Variants in DUSP16 observed in about 807,000 individuals in gnomAD.
DUSP16 encodes dual specificity phosphatase 16, also known as dual specificity protein phosphatase 16.
Under a neutral mutation model 58.3 loss-of-function variants are expected in DUSP16, and 21 were observed. The observed-to-expected ratio is 0.36, with a 90% confidence interval of 0.26 to 0.52. The LOEUF (loss-of-function observed/expected upper bound fraction) is 0.52. Among genes scored for constraint, DUSP16 ranks in the 20% least tolerant of loss-of-function variants. The pLI is 0.94. For missense variants in DUSP16, 726 were observed against 819.0 expected, an observed-to-expected ratio of 0.89 and a Z score of 1.39; for synonymous variants, 320 against 323.8, an observed-to-expected ratio of 0.99 and a Z score of 0.12.
Position 12,520,948 on chromosome 12 carries a change from A to C in DUSP16, c.151T>G (p.Ser51Ala), listed in dbSNP as rs537793872. The C allele has an allele frequency of 6.2e-7, 1 of 1,614,200 alleles. No individual in the cohort carries two copies. Among genetic ancestry groups the C allele is most frequent in the South Asian group, 1.1e-5 (1 of 91,090 alleles). Residue 51 changes from serine to alanine, a missense_variant, in exon 2 of 7, where the codon TCC becomes GCC. Transcript: ENST00000298573. ...HILEAININCSKLMKRRLQQD... is the reference protein window; with the variant it reads ...HILEAININCAKLMKRRLQQD... ...TGCAACCTTCGCTTCATAAGCTTGG[A>C]GCAGTTGATATTAATGGCTTCCAAA...
intron 3 of DUSP16, among the ~76,000 whole-genome samples, chr12:12,506,721 A>G: frequency 6.6e-6 from 1 of 152,256 alleles, no homozygotes; most frequent in East Asian, 1.9e-4. Context: ...GCTGAGAAAC[A>G]GGGATGGGCA....
chr12:12,535,773 T>A (rs184605234), intron 1 of DUSP16, among the ~76,000 whole-genome samples: 6 of 152,222 alleles, frequency 3.9e-5, no homozygotes, highest in African/African-American at 1.4e-4. Flanking sequence ...AATGTAAATT[T>A]CAAAGAGAGT....
At chr12:12,488,012 G>A (rs57279563) in intron 4 of DUSP16, among the ~76,000 whole-genome samples, 1 of 152,134 alleles carries the variant, frequency 6.6e-6, no homozygotes, top group Non-Finnish European at 1.5e-5. Flanking sequence ...AAAGCCACCA[G>A]GAGCTCTTGA....
chr12:12,533,225 A>G (rs1193825975), intron 1 of DUSP16, among the ~76,000 whole-genome samples: 1 of 152,232 alleles, frequency 6.6e-6, no homozygotes, highest in Non-Finnish European at 1.5e-5. Context: ...AATTATATTC[A>G]CTAATACTTG....
intron 4 of DUSP16, among the ~76,000 whole-genome samples, chr12:12,499,433 A>ATATTAAC (rs1185143960): frequency 6.6e-6 from 1 of 152,248 alleles, no homozygotes; most frequent in Non-Finnish European, 1.5e-5. Context: ...AAAAGCAGAC[A>ATATTAAC]TATTAACAAC....
intron 5 of DUSP16, among the ~76,000 whole-genome samples, chr12:12,486,437 A>T (rs1943683332): frequency 6.6e-6 from 1 of 152,000 alleles, no homozygotes; most frequent in Non-Finnish European, 1.5e-5. Flanking sequence ...TATGGCACAG[A>T]TGAGATCCCG....
Position 12,532,930 on chromosome 12 carries a change from G to A in DUSP16, c.-365-11467C>T, listed in dbSNP as rs539237629. On this transcript the variant is annotated intron_variant, in intron 1 of 6. Transcript: ENST00000298573. The stretch of plus-strand genomic sequence containing the variant: ...TCCATTGCACTCCAGCCTGGGGGAC[G>A]AGAGCGAAACTCTGTCTCAAAAAAA... 2.9e-4 allele frequency among the ~76,000 whole-genome samples: 42 copies of A among 142,946 alleles called. 1 individual carries two copies. Among genetic ancestry groups the A allele is most frequent in the Non-Finnish European group, 4.9e-4 (33 of 66,686 alleles). The allele number at this position is 142,946 out of a possible 152,430, so 93.8% of individuals were successfully genotyped here. A position where few individuals can be genotyped will look rare whatever the true frequency, so the allele number is the denominator to read the frequency against.
chr12:12,480,782 G>A (rs1479521613), intron 5 of DUSP16, among the ~76,000 whole-genome samples: 2 of 152,120 alleles, frequency 1.3e-5, no homozygotes, highest in African/African-American at 2.4e-5. Flanking sequence ...TGGAGTGCAC[G>A]ATGTCGGCTC....
In DUSP16 at chr12:12,519,880, A is replaced by G. The variant is rs774577788; in HGVS notation, c.349T>C (p.Ser117Pro). 6.2e-7 allele frequency: 1 copy of G among 1,614,116 alleles called. No homozygotes were observed. Among genetic ancestry groups the G allele is most frequent in the Non-Finnish European group, 8.5e-7 (1 of 1,179,984 alleles). ...GCCTTACCTGCAAGCAGGTGAACAG[A>G]GTTGAAGCTCTTCTCCAGTTTACCC... Reference protein sequence around the residue: ...LLGKLEKSFNSVHLLAGGFAE... With the variant: ...LLGKLEKSFNPVHLLAGGFAE... The change falls in exon 3 of 7, where the codon TCT (serine) becomes CCT (proline). Residue 117 changes from serine (S) to proline (P), a missense_variant. Coordinates refer to ENST00000298573, the MANE Select transcript of DUSP16 (RefSeq NM_030640.3).
At chr12:12,534,444 T>C (rs1944437262) in intron 1 of DUSP16, among the ~76,000 whole-genome samples, 1 of 152,184 alleles carries the variant, frequency 6.6e-6, no homozygotes, top group East Asian at 1.9e-4. Context: ...AGTCGGAACA[T>C]TCTCTGTCCT....
chr12:12,552,379 G>C (rs935336479), intron 1 of DUSP16, among the ~76,000 whole-genome samples: 2 of 152,100 alleles, frequency 1.3e-5, no homozygotes, highest in African/African-American at 4.8e-5. Flanking sequence ...CCGGGAGGCA[G>C]AGGTTGCAGT....
At chr12:12,513,955 G>A (rs1944112618) in intron 3 of DUSP16, among the ~76,000 whole-genome samples, 1 of 152,026 alleles carries the variant, frequency 6.6e-6, no homozygotes, top group African/African-American at 2.4e-5. Context: ...ATTTTTCAGA[G>A]AACTAGTTTT....
chr12:12,510,954 G>A (rs1376711488), intron 3 of DUSP16, among the ~76,000 whole-genome samples: 1 of 152,206 alleles, frequency 6.6e-6, no homozygotes, highest in Non-Finnish European at 1.5e-5. Context: ...AGGACTTAAA[G>A]TGGCACTGGA....
Position 12,520,880 on chromosome 12 carries a change from C to A in DUSP16, c.219G>T (p.Ala73=), listed in dbSNP as rs777073328. 6.2e-7 allele frequency: 1 copy of A among 1,614,048 alleles called. No individual in the cohort carries two copies. Among genetic ancestry groups the A allele is most frequent in the African/African-American group, 1.3e-5 (1 of 74,934 alleles). The change falls in exon 2 of 7, where the codon GCG becomes GCT. Residue 73 remains alanine, a synonymous_variant. Transcript: ENST00000298573. ...AAAGGAAAGCGTTTACCTTATGTTT[C>A]GCTGAATGCTGGATGAGCTCTGTAA... ...VLITELIQHS[A]KHKVDIDCSQ... is the part of the protein sequence containing the mutation.
At chr12:12,550,452 T>C (rs1944708525) in intron 1 of DUSP16, among the ~76,000 whole-genome samples, 1 of 152,184 alleles carries the variant, frequency 6.6e-6, no homozygotes, top group Non-Finnish European at 1.5e-5. Flanking sequence ...TTTCATTCCC[T>C]CATGAGTGTA....
At position 12,481,022 on chromosome 12, in the gene DUSP16, C is replaced by G. The variant is rs1162542856; in HGVS notation, c.692-676G>C. On this transcript the variant is annotated intron_variant, in intron 5 of 6. Coordinates refer to ENST00000298573, the MANE Select transcript of DUSP16 (RefSeq NM_030640.3). Reference sequence around the variant, plus strand: ...GAGTGAGCCACTGCCCCTGGCCTCCCTATTTTAAGCAACTTTTCTGTATGT... The same window carrying G: ...GAGTGAGCCACTGCCCCTGGCCTCCGTATTTTAAGCAACTTTTCTGTATGT... Among the ~76,000 whole-genome samples the G allele has an allele frequency of 2.6e-5, 4 of 152,128 alleles. No homozygotes were observed. The East Asian group carries it at 7.7e-4, about 29-fold the overall frequency.
At chr12:12,501,805 A>G (rs1013027421) in intron 3 of DUSP16, among the ~76,000 whole-genome samples, 2 of 152,176 alleles carry the variant, frequency 1.3e-5, no homozygotes, top group African/African-American at 4.8e-5. Context: ...CAGCCTGGCT[A>G]ACATGGTGAA....
In DUSP16 at chr12:12,521,183, C is replaced by A; in HGVS notation, c.-85G>T. On this transcript the variant is annotated 5_prime_UTR_variant, in exon 2 of 7. It introduces an in-frame stop codon into an upstream open reading frame of the 5' UTR. Coordinates refer to ENST00000298573, the MANE Select transcript of DUSP16 (RefSeq NM_030640.3). ...TGGTGTGCTCAAAGGCTCAGCCACT[C>A]CATTGTACTAAAAGTGTATGAGGTC... is the stretch of plus-strand genomic sequence containing the variant. The A allele has an allele frequency of 6.5e-7, 1 of 1,542,728 alleles. No individual in the cohort carries two copies. Among genetic ancestry groups the A allele is most frequent in the South Asian group, 1.2e-5 (1 of 82,520 alleles).
chr12:12,489,579 C>CTA (rs1340954393), intron 4 of DUSP16, among the ~76,000 whole-genome samples: 3 of 152,138 alleles, frequency 2.0e-5, no homozygotes, highest in Non-Finnish European at 2.9e-5. Context: ...AGTAATATCC[C>CTA]TATCCACTCA....
Sources: allele counts gnomAD v4.1 joint callset (sites outside exome capture counted in the v4.1 genomes callset), GRCh38; gene constraint gnomAD v4.1.1; transcripts MANE v1.5; gene names NCBI Gene and HGNC (gene_info 2026-07-23, HGNC 2026-07-21).